The following MAGI2 variants were observed in gnomAD, a reference collection of about 807,000 sequenced individuals.
MAGI2 encodes the protein membrane-associated guanylate kinase, WW and PDZ domain-containing protein 2.
In MAGI2, 35 loss-of-function variants were observed where a neutral mutation model predicts 133.3. The ratio of observed to expected loss-of-function variants is 0.26; its 90% CI spans 0.20 to 0.35. The LOEUF (loss-of-function observed/expected upper bound fraction) is 0.35. Ranked by LOEUF, MAGI2 falls within the 10% of genes least tolerant of loss-of-function variation. The pLI, the probability that MAGI2 is intolerant of heterozygous loss-of-function variation, is 1.00. For synonymous variants in MAGI2, 729 were observed against 710.6 expected, an observed-to-expected ratio of 1.03 and a Z score of -0.41; for missense variants, 1,636 against 1,863.4, an observed-to-expected ratio of 0.88 and a Z score of 2.25.
intron 1 of MAGI2, among the ~76,000 whole-genome samples, chr7:79,375,839 A>G (rs1843343111): frequency 6.6e-6 from 1 of 151,982 alleles, no homozygotes; most frequent in African/African-American, 2.4e-5. Flanking sequence ...TTGAATTATC[A>G]GTATTTAAAA....
At chr7:78,661,390 A>C (rs1019210958) in intron 2 of MAGI2, among the ~76,000 whole-genome samples, 11 of 152,318 alleles carry the variant, frequency 7.2e-5, no homozygotes, top group African/African-American at 2.6e-4. Flanking sequence ...GCTTGGCACA[A>C]ATGACCCAGA....
At chr7:78,176,341 T>A (rs568520923) in intron 14 of MAGI2, among the ~76,000 whole-genome samples, 14 of 152,302 alleles carry the variant, frequency 9.2e-5, no homozygotes, top group African/African-American at 2.9e-4. Flanking sequence ...TTAGTGACGT[T>A]CTGGTTGACT....
At chr7:78,168,194 T>C in intron 14 of MAGI2, 86 bp from the exon 15 acceptor site, 1 of 1,257,968 alleles carries the variant, frequency 7.9e-7, no homozygotes, top group Non-Finnish European at 1.1e-6. Flanking sequence ...CTCGCTTCGT[T>C]GCCCAAGCTG....
chr7:78,463,701 T>C (rs554006688), intron 6 of MAGI2, among the ~76,000 whole-genome samples: 117 of 152,116 alleles, frequency 7.7e-4, no homozygotes, highest in African/African-American at 2.6e-3. Flanking sequence ...GCTAGAGAAA[T>C]TGAAAGTAAA....
At chr7:78,245,660 G>C (rs1207793937) in intron 10 of MAGI2, among the ~76,000 whole-genome samples, 1 of 152,012 alleles carries the variant, frequency 6.6e-6, no homozygotes, top group Non-Finnish European at 1.5e-5. Context: ...GAACCAGGAG[G>C]GACTTCTCCC....
chr7:78,107,456 A>G (rs148098890), intron 20 of MAGI2, among the ~76,000 whole-genome samples: 1 of 152,214 alleles, frequency 6.6e-6, no homozygotes, highest in African/African-American at 2.4e-5. Context: ...CATTTTAACT[A>G]TATTAATTCT....
chr7:79,418,867 A>G (rs867180908), intron 1 of MAGI2, among the ~76,000 whole-genome samples: 28 of 84,130 alleles, frequency 3.3e-4, no homozygotes, highest in South Asian at 6.7e-4. Flanking sequence ...ACACACACAC[A>G]CGCACACACA....
At chr7:79,120,910 A>G (rs1052280252) in intron 1 of MAGI2, among the ~76,000 whole-genome samples, 3 of 152,124 alleles carry the variant, frequency 2.0e-5, no homozygotes, top group Admixed American at 6.5e-5. Context: ...AAGGCTACCA[A>G]CATTCTCCAG....
intron 2 of MAGI2, among the ~76,000 whole-genome samples, chr7:78,743,834 A>G (rs1484446169): frequency 6.6e-6 from 1 of 152,148 alleles, no homozygotes; most frequent in Non-Finnish European, 1.5e-5. Context: ...CTCTATTCCA[A>G]TGAACCATTT....
intron 2 of MAGI2, among the ~76,000 whole-genome samples, chr7:78,728,240 A>AAATAAGAAG (rs139672808): frequency 0.096 from 14,563 of 152,190 alleles, 815 homozygotes; most frequent in East Asian, 0.23. Flanking sequence ...AATCGTAGAA[A>AAATAAGAAG]AATAAGAAGG....
chr7:78,846,489 T>A lies in MAGI2; in HGVS notation c.418+160601A>T, dbSNP rs148786968. 2.4e-3 allele frequency among the ~76,000 whole-genome samples: 359 copies of A among 152,016 alleles called. 3 individuals are homozygous for A. The highest frequency in any genetic ancestry group is 8.2e-3 in the African/African-American group (339 of 41,516). ...GACTCCCAATTTATCAGCTTTTAAT[T>A]GAAATAGATAATGTTTATTGCTGTA... On this transcript the variant is annotated intron_variant, in intron 2 of 21. Coordinates refer to ENST00000354212, the MANE Select transcript of MAGI2 (RefSeq NM_012301.4).
chr7:78,241,607 A>G (rs2150907834), intron 10 of MAGI2, among the ~76,000 whole-genome samples: 1 of 152,330 alleles, frequency 6.6e-6, no homozygotes, highest in South Asian at 2.1e-4. Flanking sequence ...TCACAAAGCT[A>G]GAATAAATCA....
intron 1 of MAGI2, among the ~76,000 whole-genome samples, chr7:79,192,106 C>T (rs1206396623): frequency 6.6e-6 from 1 of 151,894 alleles, no homozygotes; most frequent in Admixed American, 6.6e-5. Context: ...CACACTCCCA[C>T]TTAAATTTGT....
chr7:79,390,767 G>A (rs1248261590), intron 1 of MAGI2, among the ~76,000 whole-genome samples: 2 of 152,204 alleles, frequency 1.3e-5, no homozygotes, highest in African/African-American at 4.8e-5. Context: ...GGGCAAGAAA[G>A]TTTTGGTAGA....
chr7:78,974,168 G>A (rs550818018), intron 2 of MAGI2, among the ~76,000 whole-genome samples: 3 of 151,582 alleles, frequency 2.0e-5, no homozygotes, highest in African/African-American at 7.3e-5. Flanking sequence ...AAGGACAAGT[G>A]AGAATGTACC....
At position 79,294,198 on chromosome 7, in the gene MAGI2, A is replaced by G. The variant is rs578010706; in HGVS notation, c.301+158822T>C. ...GTCTCAAAAAAAAAAAAAAAAAAGG[A>G]AAAAGAAAATAATGAAGAATATGTA... On this transcript the variant is annotated intron_variant, in intron 1 of 21. Coordinates refer to ENST00000354212, the MANE Select transcript of MAGI2 (RefSeq NM_012301.4). Among the ~76,000 whole-genome samples the G allele has an allele frequency of 2.0e-5, 3 of 151,168 alleles. No individual in the cohort carries two copies. The East Asian group carries it at 5.8e-4, about 29-fold the overall frequency.
intron 1 of MAGI2, chr7:79,343,208 T>C (rs975185337): frequency 6.6e-6 from 1 of 152,180 alleles, no homozygotes; most frequent in Non-Finnish European, 1.5e-5. Flanking sequence ...GTAATAAACA[T>C]ATTCAGCACC....
At chr7:79,366,596 A>T (rs1465713962) in intron 1 of MAGI2, among the ~76,000 whole-genome samples, 2 of 152,158 alleles carry the variant, frequency 1.3e-5, no homozygotes, top group African/African-American at 2.4e-5. Flanking sequence ...ATATTGGTGG[A>T]TTGCATCAAT....
intron 9 of MAGI2, among the ~76,000 whole-genome samples, chr7:78,280,875 A>T (rs1222198716): frequency 6.6e-6 from 1 of 151,656 alleles, no homozygotes; most frequent in Non-Finnish European, 1.5e-5. Context: ...AAAAAAAAAA[A>T]ATTGAAAAGC....
Sources: allele counts gnomAD v4.1 joint callset (sites outside exome capture counted in the v4.1 genomes callset), GRCh38; gene constraint gnomAD v4.1.1; transcripts MANE v1.5; gene names NCBI Gene and HGNC (gene_info 2026-07-23, HGNC 2026-07-21).